RDH12: variants seen among roughly 807,000 people sequenced by gnomAD.
RDH12 encodes the protein retinol dehydrogenase 12, also known as all-trans and 9-cis retinol dehydrogenase.
A neutral mutation model predicts 34.0 loss-of-function variants in RDH12; 21 were observed. That is an observed-to-expected ratio of 0.62 (90% CI 0.44 to 0.89). The LOEUF is 0.89. RDH12 is among the 40% of genes least tolerant of loss of function. RDH12 has a pLI of 0.00. For missense variants in RDH12, 394 were observed against 398.6 expected (o/e 0.99, Z 0.10); for synonymous variants, 198 against 169.9 (o/e 1.17, Z -1.29).
At chr14:67,728,823 G>C (rs1322047682) in intron 7 of RDH12, among the ~76,000 whole-genome samples, 1 of 151,646 alleles carries the variant, frequency 6.6e-6, no homozygotes, top group Non-Finnish European at 1.5e-5. Flanking sequence ...CTTCCAATCA[G>C]ATCGCTACCC....
intron 1 of RDH12, among the ~76,000 whole-genome samples, 188 bp from the exon 2 acceptor site, chr14:67,720,660 T>C (rs576448854): frequency 6.6e-6 from 1 of 152,376 alleles, no homozygotes; most frequent in East Asian, 1.9e-4. Flanking sequence ...CTTTCCATTC[T>C]GTTCTATTGA....
At chr14:67,704,450 A>G (rs1490416665) in intron 1 of RDH12, among the ~76,000 whole-genome samples, 2 of 152,308 alleles carry the variant, frequency 1.3e-5, no homozygotes, top group East Asian at 1.9e-4. Flanking sequence ...CTGTGTGTGC[A>G]AATAAATTAT....
chr14:67,722,383 T>A (rs2038133892), intron 2 of RDH12, 41 bp from the exon 3 acceptor site: 1 of 570,598 alleles, frequency 1.8e-6, no homozygotes, highest in Admixed American at 3.0e-5. Context: ...CCAGTAAACC[T>A]AAGTAAGCTT....
chr14:67,714,569 AG>A, intron 1 of RDH12: 1 of 165,354 alleles, frequency 6.0e-6, no homozygotes, highest in East Asian at 1.7e-4. Flanking sequence ...GGGAAAGAGG[AG>A]GGACACCAAT....
At chr14:67,726,892 T>G in intron 6 of RDH12, 89 bp from the exon 7 acceptor site, 124 of 1,155,928 alleles carry the variant, frequency 1.1e-4, no homozygotes, top group Non-Finnish European at 1.4e-4. Flanking sequence ...CAGAAGATAG[T>G]GAGCTAACAC....
At chr14:67,729,086 T>C (rs2038229684) in intron 7 of RDH12, 105 bp from the exon 8 acceptor site, 3 of 1,181,714 alleles carry the variant, frequency 2.5e-6, no homozygotes, top group South Asian at 1.2e-5. Flanking sequence ...TGGGGTTATG[T>C]TTCCTGAGTC....
intron 1 of RDH12, among the ~76,000 whole-genome samples, chr14:67,702,377 A>G (rs1053476733): frequency 6.6e-6 from 1 of 152,150 alleles, no homozygotes. Flanking sequence ...TATTTTGTTG[A>G]TAACTCAGAA....
intron 1 of RDH12, among the ~76,000 whole-genome samples, chr14:67,712,237 T>C (rs2047021462): frequency 6.7e-6 from 1 of 149,046 alleles, no homozygotes; most frequent in South Asian, 2.1e-4. Flanking sequence ...ACCTGTCTTT[T>C]AACTGGATCT....
At chr14:67,708,122 G>A (rs2037969365) in intron 1 of RDH12, among the ~76,000 whole-genome samples, 1 of 152,110 alleles carries the variant, frequency 6.6e-6, no homozygotes, top group Admixed American at 6.5e-5. Context: ...ATTAGGCAGA[G>A]AGACACAAAT....
chr14:67,725,745 T>C (rs535271611), intron 5 of RDH12, among the ~76,000 whole-genome samples: 2 of 152,202 alleles, frequency 1.3e-5, no homozygotes, highest in Non-Finnish European at 2.9e-5. Context: ...CGGTAGTTAG[T>C]ACACATTTGC....
intron 2 of RDH12, among the ~76,000 whole-genome samples, chr14:67,721,260 G>A (rs1380587177): frequency 6.6e-6 from 1 of 152,074 alleles, no homozygotes; most frequent in Non-Finnish European, 1.5e-5. Context: ...AACACAGAGC[G>A]AGGAAGGGCA....
intron 8 of RDH12, among the ~76,000 whole-genome samples, chr14:67,732,640 G>A (rs1342479193): frequency 6.6e-6 from 1 of 151,860 alleles, no homozygotes; most frequent in Non-Finnish European, 1.5e-5. Flanking sequence ...TCAGTGGCGT[G>A]ATCTCCACTC....
chr14:67,702,140 TA>T (rs2037906626), intron 1 of RDH12, among the ~76,000 whole-genome samples: 1 of 151,834 alleles, frequency 6.6e-6, no homozygotes, highest in African/African-American at 2.4e-5. Context: ...AATATATATA[TA>T]TTTTTTAAAT....
intron 1 of RDH12, among the ~76,000 whole-genome samples, chr14:67,703,834 C>A (rs1281966611): frequency 6.6e-6 from 1 of 151,936 alleles, no homozygotes; most frequent in African/African-American, 2.4e-5. Flanking sequence ...TACCACCGTG[C>A]CTGGCTAATT....
At chr14:67,727,492 T>TTTTTTTG (rs2038204350) in intron 7 of RDH12, 1 of 356,918 alleles carries the variant, frequency 2.8e-6, no homozygotes, top group African/African-American at 2.1e-5. Context: ...TTTGTTTTTT[T>TTTTTTTG]TTTTTTGAGA....
intron 1 of RDH12, among the ~76,000 whole-genome samples, 190 bp downstream of exon 1, chr14:67,702,125 A>G (rs1206470952): frequency 2.0e-5 from 3 of 151,694 alleles, no homozygotes; most frequent in Non-Finnish European, 4.4e-5. Context: ...CTTTTTTAAA[A>G]ATTTAATATA....
chr14:67,703,514 C>T (rs138576944), intron 1 of RDH12, among the ~76,000 whole-genome samples: 29 of 152,064 alleles, frequency 1.9e-4, no homozygotes, highest in African/African-American at 7.0e-4. Flanking sequence ...TCAAAGTAGG[C>T]AGAAAAAATA....
intron 5 of RDH12, among the ~76,000 whole-genome samples, chr14:67,725,703 T>C (rs975636998): frequency 2.0e-5 from 3 of 152,220 alleles, no homozygotes; most frequent in Non-Finnish European, 2.9e-5. Flanking sequence ...ACTGGATTCC[T>C]AGTGCCCAGC....
chr14:67,702,240 A>G (rs2037907489), intron 1 of RDH12, among the ~76,000 whole-genome samples: 6 of 152,078 alleles, frequency 3.9e-5, no homozygotes, highest in Admixed American at 2.6e-4. Flanking sequence ...AAGTGCTAGG[A>G]TTACACACAT....
Sources: allele counts gnomAD v4.1 joint callset (sites outside exome capture counted in the v4.1 genomes callset), GRCh38; gene constraint gnomAD v4.1.1; transcripts MANE v1.5; gene names NCBI Gene and HGNC (gene_info 2026-07-23, HGNC 2026-07-21).